Variants in STPG1 observed in about 807,000 individuals in gnomAD.
STPG1 encodes O(6)-methylguanine-induced apoptosis 2.
Under a neutral mutation model 40.1 loss-of-function variants are expected in STPG1, and 33 were observed. The observed-to-expected ratio is 0.82, with a 90% CI of 0.62 to 1.10. The LOEUF (loss-of-function observed/expected upper bound fraction) is 1.10, where lower values mean the gene tolerates loss of function less well. Among genes scored for constraint, STPG1 ranks in the 50% least tolerant of loss-of-function variants. The pLI, the probability that STPG1 is intolerant of heterozygous loss-of-function variation, is 0.00. For synonymous variants in STPG1, 150 were observed against 155.0 expected, an observed-to-expected ratio of 0.97 and a Z score of 0.24; for missense variants, 396 against 415.1, an observed-to-expected ratio of 0.95 and a Z score of 0.40.
chr1:24,372,476 C>A (rs552923532), intron 6 of STPG1, among the ~76,000 whole-genome samples: 2 of 152,196 alleles, frequency 1.3e-5, no homozygotes, highest in Non-Finnish European at 2.9e-5. Context: ...GATCCCCCCA[C>A]CCCGGGAGGG....
At chr1:24,370,526 C>G (rs1313976450) in intron 6 of STPG1, among the ~76,000 whole-genome samples, 1 of 152,020 alleles carries the variant, frequency 6.6e-6, no homozygotes, top group Non-Finnish European at 1.5e-5. Context: ...GAGTCTCGCT[C>G]TGTCGCCCAG....
intron 5 of STPG1, 45 bp downstream of exon 5, chr1:24,379,608 C>G: frequency 6.3e-7 from 1 of 1,591,272 alleles, no homozygotes; most frequent in Non-Finnish European, 8.6e-7. Context: ...TTTTAGTAAA[C>G]CATTAATTCG....
At chr1:24,375,726 TCTC>T (rs1641991845) in intron 5 of STPG1, among the ~76,000 whole-genome samples, 1 of 152,008 alleles carries the variant, frequency 6.6e-6, no homozygotes. Context: ...CAACCATTGT[TCTC>T]CTGGCCTGAA....
At chr1:24,392,184 CT>C (rs1642801396) in intron 2 of STPG1, 1 of 563,870 alleles carries the variant, frequency 1.8e-6, no homozygotes, top group South Asian at 7.8e-5. Context: ...GTTTTCGTTT[CT>C]GTTTTGAGCA....
rs964633757 is a variant in STPG1, at chr1:24,399,210, C to T, written c.70+2109G>A. Among the ~76,000 whole-genome samples the T allele has an allele frequency of 1.3e-5, 2 of 152,052 alleles. No individual in the cohort carries two copies. Among genetic ancestry groups the T allele is most frequent in the African/African-American group, 4.8e-5 (2 of 41,414 alleles). ...CTACTAAAGAGTTATTATAAAGTTA[C>T]AGTAATTAGGACAGTATGATATTTG... On this transcript the variant is annotated intron_variant, in intron 2 of 8. Transcript: ENST00000337248. This position sits in a 1 kb window ranked among gnomAD's most constrained non-coding sequence, Gnocchi z 4.0.
At chr1:24,396,408 T>C (rs1270882488) in intron 2 of STPG1, among the ~76,000 whole-genome samples, 2 of 152,084 alleles carry the variant, frequency 1.3e-5, no homozygotes, top group Non-Finnish European at 2.9e-5. Flanking sequence ...CTCCTGGGCT[T>C]AAGCAATCCT....
intron 6 of STPG1, among the ~76,000 whole-genome samples, chr1:24,370,124 T>G (rs986195193): frequency 2.0e-5 from 3 of 152,194 alleles, no homozygotes; most frequent in African/African-American, 7.2e-5. Flanking sequence ...GATTGTTAAA[T>G]AATTTGCCAA....
chr1:24,393,112 C>T (rs997296224), intron 2 of STPG1, among the ~76,000 whole-genome samples: 14 of 152,182 alleles, frequency 9.2e-5, no homozygotes, highest in African/African-American at 3.4e-4. Context: ...AGCACTTAAG[C>T]GGAACAGGTA....
At chr1:24,406,297 G>C (rs1358323721) in intron 1 of STPG1, among the ~76,000 whole-genome samples, 1 of 151,950 alleles carries the variant, frequency 6.6e-6, no homozygotes, top group African/African-American at 2.4e-5. Flanking sequence ...TATAATGTAA[G>C]AATTTTACAA....
chr1:24,377,131 G>A (rs1642066474), intron 5 of STPG1, among the ~76,000 whole-genome samples: 1 of 152,036 alleles, frequency 6.6e-6, no homozygotes, highest in South Asian at 2.1e-4. Flanking sequence ...GTTGGGCATG[G>A]TGGCATGTGC....
chr1:24,374,937 T>C (rs1005344965), intron 5 of STPG1, among the ~76,000 whole-genome samples: 1 of 152,198 alleles, frequency 6.6e-6, no homozygotes, highest in South Asian at 2.1e-4. Flanking sequence ...TCTACTATTT[T>C]TACTGTTTTC....
At chr1:24,394,807 G>A (rs756797358) in intron 2 of STPG1, among the ~76,000 whole-genome samples, 1 of 152,016 alleles carries the variant, frequency 6.6e-6, no homozygotes, top group Non-Finnish European at 1.5e-5. Context: ...CAAGAAAAAG[G>A]ATTAGTGAGC....
At chr1:24,394,017 AC>A (rs1432986200) in intron 2 of STPG1, among the ~76,000 whole-genome samples, 2 of 152,164 alleles carry the variant, frequency 1.3e-5, no homozygotes, top group African/African-American at 4.8e-5. Flanking sequence ...AGAGAGAGCT[AC>A]CCAGATGGAG....
At chr1:24,375,467 C>T (rs545502623) in intron 5 of STPG1, among the ~76,000 whole-genome samples, 1 of 152,138 alleles carries the variant, frequency 6.6e-6, no homozygotes, top group African/African-American at 2.4e-5. Flanking sequence ...TTCCCAGGGC[C>T]CTAATGGCTA....
intron 1 of STPG1, among the ~76,000 whole-genome samples, chr1:24,409,750 T>C (rs1643543388): frequency 6.6e-6 from 1 of 152,192 alleles, no homozygotes; most frequent in Admixed American, 6.5e-5. Context: ...ACCCCACCAT[T>C]AGTCACTTAG....
At position 24,358,467 on chromosome 1, in the gene STPG1, C is replaced by T. The variant is rs763779682; in HGVS notation, c.*76G>A. 12 of 1,266,416 alleles carry T rather than the reference C, an allele frequency of 9.5e-6. No individual in the cohort carries two copies. In the East Asian group the frequency reaches 1.2e-4, roughly 12 times the overall value. The allele number at this position is 1,266,416 out of a possible 1,614,324, so 78.4% of individuals were successfully genotyped here. A position where few individuals can be genotyped will look rare whatever the true frequency, so the allele number is the denominator to read the frequency against. ...AGCTGCCACACTCATGATCGGTCTC[C>T]TCCTGAGGAATGTCCTGGGGACGCT... is the stretch of plus-strand genomic sequence containing the variant. On this transcript the variant is annotated 3_prime_UTR_variant, in exon 9 of 9. Transcript: ENST00000337248.
Position 24,387,575 on chromosome 1 carries a change from T to C in STPG1, c.190-3572A>G, listed in dbSNP as rs185309205. Reference sequence around the variant, plus strand: ...CATCCTCACTCTGCCCAGCCTCCACTGCACCAGCTACTTCACCCTCTTTTC... The same window carrying C: ...CATCCTCACTCTGCCCAGCCTCCACCGCACCAGCTACTTCACCCTCTTTTC... On this transcript the variant is annotated intron_variant, in intron 3 of 8. Transcript: ENST00000337248. Among the ~76,000 whole-genome samples the C allele has an allele frequency of 1.1e-4, 16 of 152,328 alleles. No homozygotes were observed. The East Asian group carries it at 3.1e-3, about 29-fold the overall frequency.
intron 5 of STPG1, among the ~76,000 whole-genome samples, chr1:24,378,829 C>T (rs1642150831): frequency 1.3e-5 from 2 of 152,158 alleles, no homozygotes; most frequent in African/African-American, 4.8e-5. Context: ...CGTTCGTTGC[C>T]TTATGGTAAC....
At chr1:24,414,693 C>T, upstream of STPG1, 1 of 152,006 alleles carries the variant, frequency 6.6e-6, no homozygotes, top group Non-Finnish European at 1.5e-5. Flanking sequence ...CGCCACCACG[C>T]CCGGCTAATT....
Sources: allele counts gnomAD v4.1 joint callset (sites outside exome capture counted in the v4.1 genomes callset), GRCh38; gene constraint gnomAD v4.1.1; non-coding constraint Gnocchi (gnomAD v3.1); transcripts MANE v1.5; gene names NCBI Gene and HGNC (gene_info 2026-07-23, HGNC 2026-07-21).